Variants in SLC35F5 observed in about 807,000 individuals in gnomAD.
SLC35F5 encodes solute carrier family 35 member F5.
SLC35F5 carries 54 observed loss-of-function variants against 68.6 expected under a neutral mutation model. That is an observed-to-expected ratio of 0.79 (90% confidence interval 0.63 to 0.99). The LOEUF is 0.99. Ranked by LOEUF, SLC35F5 falls within the 50% of genes least tolerant of loss-of-function variation. SLC35F5 has a pLI of 0.00. For synonymous variants in SLC35F5, 211 were observed against 205.2 expected, an observed-to-expected ratio of 1.03 and a Z score of -0.24; for missense variants, 567 against 626.9, an observed-to-expected ratio of 0.90 and a Z score of 1.02.
intron 1 of SLC35F5, 28 bp downstream of exon 1, chr2:113,756,342 A>G: frequency 6.4e-7 from 1 of 1,562,906 alleles, no homozygotes; most frequent in Non-Finnish European, 8.7e-7. Context: ...GGCTCCGGTG[A>G]TGTCGGGGCC....
intron 4 of SLC35F5, 107 bp from the exon 5 acceptor site, chr2:113,746,446 T>A: frequency 1.3e-6 from 1 of 795,228 alleles, no homozygotes; most frequent in Non-Finnish European, 2.2e-6. Flanking sequence ...AATCAACCTG[T>A]AAGACTAAAA....
At chr2:113,703,347 G>C (rs141844241), downstream of SLC35F5, among the ~76,000 whole-genome samples, 57 of 152,228 alleles carry the variant, frequency 3.7e-4, no homozygotes, top group African/African-American at 1.3e-3. Context: ...TTCTAATTAT[G>C]GAACAAATTA....
At chr2:113,721,491 G>GAAATGACT (rs1401115066) in intron 13 of SLC35F5, 3 of 153,134 alleles carry the variant, frequency 2.0e-5, no homozygotes, top group Non-Finnish European at 4.4e-5. Context: ...TGATAATTAT[G>GAAATGACT]AAATGACTAA....
intron 3 of SLC35F5, among the ~76,000 whole-genome samples, 165 bp from the exon 4 acceptor site, chr2:113,750,733 A>G (rs1676703053): frequency 6.6e-6 from 1 of 152,256 alleles, no homozygotes; most frequent in Non-Finnish European, 1.5e-5. Context: ...TGAAGACTGT[A>G]TCGGCCTTGC....
intron 4 of SLC35F5, among the ~76,000 whole-genome samples, chr2:113,748,071 AAG>A (rs1676582991): frequency 6.6e-6 from 1 of 152,210 alleles, no homozygotes; most frequent in South Asian, 2.1e-4. Context: ...TAGCCTGGAC[AAG>A]AGAGTGAGAC....
rs1686833693 is a variant in SLC35F5 at position 113,707,602 on chromosome 2, C to G, written c.*7616G>C. ...TGAAACAGGGTCTCGCTCTGTCACC[C>G]AGGCTGGAGTGCAGTGGTGTGATCT... On this transcript the variant is annotated 3_prime_UTR_variant, in exon 16 of 16. Coordinates refer to ENST00000245680, the MANE Select transcript of SLC35F5 (RefSeq NM_025181.5). 1.3e-5 allele frequency among the ~76,000 whole-genome samples: 2 copies of G among 152,170 alleles called. No homozygotes were observed. The highest frequency in any genetic ancestry group is 4.1e-4 in the South Asian group (2 of 4,828).
intron 12 of SLC35F5, among the ~76,000 whole-genome samples, chr2:113,723,426 A>AT (rs1200491178): frequency 1.3e-5 from 2 of 152,116 alleles, no homozygotes; most frequent in African/African-American, 4.8e-5. Flanking sequence ...ATTTTATGCT[A>AT]TTTTCAAGAG....
rs191183759 is a variant in SLC35F5, at chr2:113,717,613, C to T, written c.*22+140G>A. On this transcript the variant is annotated intron_variant, in intron 15 of 15. Transcript: ENST00000245680. ...CCACACAGCTAGTATGTGGAGAAGA[C>T]GGAACTGGAGTCCAGGCTTTAGCCC... is the stretch of plus-strand genomic sequence containing the variant. 125 of 534,448 alleles carry T rather than the reference C, an allele frequency of 2.3e-4. 1 individual carries two copies. Among genetic ancestry groups the T allele is most frequent in the Admixed American group, 3.3e-4 (9 of 26,972 alleles). The allele number at this position is 534,448 out of a possible 1,614,324, so 33.1% of individuals were successfully genotyped here. A position where few individuals can be genotyped will look rare whatever the true frequency, so the allele number is the denominator to read the frequency against.
At chr2:113,728,208 T>C (rs1483030106) in intron 11 of SLC35F5, among the ~76,000 whole-genome samples, 1 of 152,266 alleles carries the variant, frequency 6.6e-6, no homozygotes, top group Non-Finnish European at 1.5e-5. Flanking sequence ...AAGCAATCAT[T>C]CAGCCTCATG....
At chr2:113,733,227 T>G (rs2104441966) in intron 9 of SLC35F5, 1 of 187,300 alleles carries the variant, frequency 5.3e-6, no homozygotes. Flanking sequence ...CATAGACAAT[T>G]TGTAAATAGA....
chr2:113,705,237 G>A (rs11685171), downstream of SLC35F5: 40,086 of 152,068 alleles, frequency 0.26, 5,581 homozygotes, highest in Middle Eastern at 0.5. Flanking sequence ...CCGGACACCT[G>A]GTCACCCTAG....
At position 113,709,064 on chromosome 2, in the gene SLC35F5, C is replaced by A. The variant is rs535758207; in HGVS notation, c.*6154G>T. On this transcript the variant is annotated 3_prime_UTR_variant, in exon 16 of 16. Transcript: ENST00000245680. ...TTAAGGAGTCAAGATGCTGAACACCCTAACAAAAGCAAAAACAAAATTACG... is the reference window on the plus strand; with the variant it reads ...TTAAGGAGTCAAGATGCTGAACACCATAACAAAAGCAAAAACAAAATTACG... 1.3e-5 allele frequency among the ~76,000 whole-genome samples: 2 copies of A among 152,242 alleles called. No homozygotes were observed. Among genetic ancestry groups the A allele is most frequent in the South Asian group, 4.1e-4 (2 of 4,830 alleles).
chr2:113,752,618 T>C (rs1676788977), intron 3 of SLC35F5, among the ~76,000 whole-genome samples: 1 of 152,208 alleles, frequency 6.6e-6, no homozygotes, highest in Admixed American at 6.5e-5. Context: ...GAATGTGTGA[T>C]ACATCCAATA....
In SLC35F5 at chr2:113,709,861, G is replaced by C. The variant is rs980329183; in HGVS notation, c.*5357C>G. Among the ~76,000 whole-genome samples the C allele has an allele frequency of 6.6e-5, 10 of 152,148 alleles. No homozygotes were observed. Among genetic ancestry groups the C allele is most frequent in the Non-Finnish European group, 1.2e-4 (8 of 68,026 alleles). On this transcript the variant is annotated 3_prime_UTR_variant, in exon 16 of 16. Transcript: ENST00000245680. ...GGGTCTCACTTTGCTGCCCAGGCTGGACTGCAGTGGCCCAATAATAACTCA... is the reference window on the plus strand; with the variant it reads ...GGGTCTCACTTTGCTGCCCAGGCTGCACTGCAGTGGCCCAATAATAACTCA...
At chr2:113,742,473 T>C in intron 7 of SLC35F5, 1 of 563,398 alleles carries the variant, frequency 1.8e-6, no homozygotes, top group Non-Finnish European at 3.1e-6. Context: ...TGTAAATAGC[T>C]GAAGTGTTAT....
At position 113,742,792 on chromosome 2, in the gene SLC35F5, C is replaced by T. The variant is rs751684782; in HGVS notation, c.650G>A (p.Arg217His). ...TTGTTCTTTCACAGGATATGACATG[C>T]GAGACAACTTTGCTTCCAATGCATG... is the stretch of plus-strand genomic sequence containing the variant. The part of the protein sequence containing the change: ...SSHALEAKLS[R>H]MSYPVKEQES... Residue 217 changes from arginine to histidine, a missense_variant, in exon 7 of 16, where the codon CGC becomes CAC. By Grantham distance (29) the Arg-to-His change is conservative (BLOSUM62 0). Transcript: ENST00000245680. 8.7e-6 allele frequency: 14 copies of T among 1,614,048 alleles called. No individual in the cohort carries two copies. Among genetic ancestry groups the T allele is most frequent in the East Asian group, 4.5e-5 (2 of 44,870 alleles).
chr2:113,747,556 A>G (rs778245640), intron 4 of SLC35F5, among the ~76,000 whole-genome samples: 1 of 152,200 alleles, frequency 6.6e-6, no homozygotes, highest in Non-Finnish European at 1.5e-5. Context: ...GACACAGACA[A>G]CACACACAAG....
intron 7 of SLC35F5, among the ~76,000 whole-genome samples, chr2:113,736,504 A>G (rs1402384368): frequency 1.3e-5 from 2 of 152,212 alleles, no homozygotes; most frequent in East Asian, 3.8e-4. Flanking sequence ...TATCTAAATC[A>G]TATTTAAATT....
chr2:113,719,032 C>G, intron 14 of SLC35F5, 122 bp downstream of exon 14: 3 of 837,992 alleles, frequency 3.6e-6, no homozygotes, highest in Non-Finnish European at 5.4e-6. Flanking sequence ...TCTGCCGTAA[C>G]ATATAAGTTA....
Sources: allele counts gnomAD v4.1 joint callset (sites outside exome capture counted in the v4.1 genomes callset), GRCh38; gene constraint gnomAD v4.1.1; transcripts MANE v1.5; gene names NCBI Gene and HGNC (gene_info 2026-07-23, HGNC 2026-07-21).